Variants in ATG10 observed in about 807,000 individuals in gnomAD.
ATG10 encodes ubiquitin-like-conjugating enzyme ATG10.
In ATG10, 30 loss-of-function variants were observed where a neutral mutation model predicts 32.1. The ratio of observed to expected loss-of-function variants is 0.94; its 90% confidence interval spans 0.70 to 1.27. ATG10 has a LOEUF of 1.27. Ranked by LOEUF, ATG10 falls within the 50% of genes most tolerant of loss-of-function variation. The pLI is 0.00. For missense variants in ATG10, 233 were observed against 262.3 expected (o/e 0.89, Z 0.77); for synonymous variants, 87 against 91.5 (o/e 0.95, Z 0.28).
At chr5:82,082,742 T>C (rs1018012045) in intron 3 of ATG10, among the ~76,000 whole-genome samples, 1 of 152,178 alleles carries the variant, frequency 6.6e-6, no homozygotes, top group Non-Finnish European at 1.5e-5. Flanking sequence ...TCAGGAAATA[T>C]GGAAGACTGG....
intron 3 of ATG10, chr5:82,111,325 T>C (rs1036965610): frequency 5.9e-5 from 9 of 152,016 alleles, no homozygotes; most frequent in Non-Finnish European, 1.2e-4. Flanking sequence ...TCAAGTAGAA[T>C]CCTCCAGGCA....
At chr5:82,014,638 A>G (rs1177085497) in intron 2 of ATG10, among the ~76,000 whole-genome samples, 1 of 152,058 alleles carries the variant, frequency 6.6e-6, no homozygotes, top group Admixed American at 6.5e-5. Context: ...TTTATCCGAG[A>G]CTAGGATTGC....
intron 2 of ATG10, among the ~76,000 whole-genome samples, chr5:82,029,252 C>T (rs1173961545): frequency 6.6e-6 from 1 of 152,112 alleles, no homozygotes; most frequent in Non-Finnish European, 1.5e-5. Context: ...TCTACAGAGA[C>T]AGAAAGTAGA....
At chr5:82,002,825 C>T (rs1201613634) in intron 2 of ATG10, among the ~76,000 whole-genome samples, 1 of 152,100 alleles carries the variant, frequency 6.6e-6, no homozygotes, top group East Asian at 1.9e-4. Flanking sequence ...GTAAAACTAC[C>T]TATCGGATAC....
chr5:82,205,954 A>G lies in ATG10; in HGVS notation c.453+27367A>G, dbSNP rs76096563. On this transcript the variant is annotated intron_variant, in intron 5 of 7. Transcript: ENST00000282185. The stretch of plus-strand genomic sequence containing the variant: ...AGAATAGAACCTAAGTTTAATAAGG[A>G]AGAGAGAAAGAGAGCTATAGAAAAA... Among the ~76,000 whole-genome samples the G allele has an allele frequency of 4.9e-3, 753 of 152,336 alleles. 39 individuals are homozygous for G. The East Asian group carries it at 0.12, about 25-fold the overall frequency.
intron 3 of ATG10, among the ~76,000 whole-genome samples, chr5:82,136,633 G>A (rs573239289): frequency 2.6e-5 from 4 of 151,238 alleles, no homozygotes; most frequent in Non-Finnish European, 5.9e-5. Context: ...GGGTACCCTG[G>A]CTGCCCTTAA....
intron 3 of ATG10, among the ~76,000 whole-genome samples, chr5:82,067,216 A>C (rs905994552): frequency 3.3e-5 from 5 of 152,172 alleles, no homozygotes; most frequent in Admixed American, 6.5e-5. Context: ...AGTGTATGCT[A>C]TATAGTAGTG....
At chr5:82,246,091 A>C (rs186010842) in intron 5 of ATG10, among the ~76,000 whole-genome samples, 1,530 of 108,700 alleles carry the variant, frequency 0.014, 34 homozygotes, top group African/African-American at 0.046. Flanking sequence ...TTTTTTTTTG[A>C]AACAGAGTCT....
Position 81,987,610 on chromosome 5 carries a change from CGTT to C in ATG10, c.41_43del (p.Arg14_Tyr15delinsHis). 6.2e-7 allele frequency: 1 copy of C among 1,612,372 alleles called. No homozygotes were observed. Among genetic ancestry groups the C allele is most frequent in the East Asian group, 2.2e-5 (1 of 44,742 alleles). On this transcript the variant is annotated inframe_deletion, in exon 2 of 8. Transcript: ENST00000282185. ...GTTCATTGGAGAAAAAACATTCCAA[CGTT>C]ATTGTGCAGAATTCATTAAACATTC...
At chr5:82,242,676 A>G in intron 5 of ATG10, 1 of 330,072 alleles carries the variant, frequency 3.0e-6, no homozygotes. Flanking sequence ...AAATGGGATA[A>G]TATAATCCAA....
At chr5:82,150,627 A>G (rs1767556370) in intron 3 of ATG10, among the ~76,000 whole-genome samples, 1 of 152,176 alleles carries the variant, frequency 6.6e-6, no homozygotes, top group Non-Finnish European at 1.5e-5. Flanking sequence ...AATTTCTGTC[A>G]CCTCAGAGAA....
At chr5:82,207,624 T>A (rs1745347584) in intron 5 of ATG10, among the ~76,000 whole-genome samples, 1 of 152,234 alleles carries the variant, frequency 6.6e-6, no homozygotes, top group African/African-American at 2.4e-5. Context: ...CAGAAGTTTT[T>A]AATTTTAATG....
chr5:82,212,604 T>G (rs1745534814), intron 5 of ATG10, among the ~76,000 whole-genome samples: 1 of 152,220 alleles, frequency 6.6e-6, no homozygotes, highest in South Asian at 2.1e-4. Flanking sequence ...TTGGCAAAGA[T>G]ATAAAAGTTT....
At chr5:82,221,932 C>G (rs1745943884) in intron 5 of ATG10, among the ~76,000 whole-genome samples, 1 of 152,144 alleles carries the variant, frequency 6.6e-6, no homozygotes, top group South Asian at 2.1e-4. Flanking sequence ...TTTTGCTAGT[C>G]TTTTAGTGAA....
At chr5:81,988,297 T>C (rs1451971226) in intron 2 of ATG10, among the ~76,000 whole-genome samples, 2 of 150,530 alleles carry the variant, frequency 1.3e-5, no homozygotes, top group African/African-American at 4.9e-5. Context: ...CCACCACACC[T>C]GCCTAAATTT....
chr5:82,070,173 A>G (rs1764082159), intron 3 of ATG10, among the ~76,000 whole-genome samples: 1 of 152,124 alleles, frequency 6.6e-6, no homozygotes. Context: ...TGGCAATGGC[A>G]CCTAAAGGCT....
At chr5:82,119,377 GTAT>G (rs1209493829) in intron 3 of ATG10, among the ~76,000 whole-genome samples, 6 of 152,076 alleles carry the variant, frequency 3.9e-5, no homozygotes, top group Non-Finnish European at 8.8e-5. Context: ...ATGCATAAGG[GTAT>G]TATTATAACA....
At chr5:82,048,577 A>G (rs970762763) in intron 2 of ATG10, among the ~76,000 whole-genome samples, 34 of 152,356 alleles carry the variant, frequency 2.2e-4, no homozygotes, top group African/African-American at 7.9e-4. Flanking sequence ...GAGCTTCTGC[A>G]CAGCAAAAGA....
chr5:82,014,586 T>G lies in ATG10; in HGVS notation c.108+26908T>G, dbSNP rs183878937. Among the ~76,000 whole-genome samples the G allele has an allele frequency of 1.5e-3, 229 of 152,284 alleles. 2 individuals carry two copies. The highest frequency in any genetic ancestry group is 6.8e-3 in the East Asian group (35 of 5,178). The stretch of plus-strand genomic sequence containing the variant: ...TTGATCCCTTTACCATTATGTAATG[T>G]CCTTCTTTGTCTCTTTTGATCTTTG... On this transcript the variant is annotated intron_variant, in intron 2 of 7. Coordinates refer to ENST00000282185, the MANE Select transcript of ATG10 (RefSeq NM_031482.5).
Sources: allele counts gnomAD v4.1 joint callset (sites outside exome capture counted in the v4.1 genomes callset), GRCh38; gene constraint gnomAD v4.1.1; transcripts MANE v1.5; gene names NCBI Gene and HGNC (gene_info 2026-07-23, HGNC 2026-07-21).